CHD7: variants seen among roughly 807,000 people sequenced by gnomAD.
CHD7 encodes the protein ATP-dependent chromatin remodeler CHD7.
Under a neutral mutation model 307.3 loss-of-function variants are expected in CHD7, and 24 were observed. That is an observed-to-expected ratio of 0.08 (90% CI 0.06 to 0.11). CHD7 has a LOEUF of 0.11. Among genes scored for constraint, CHD7 ranks in the 10% least tolerant of loss-of-function variants. CHD7 has a pLI of 1.00. For missense variants in CHD7, 3,106 were observed against 3,727.1 expected (o/e 0.83, Z 4.34); for synonymous variants, 1,363 against 1,349.9 (o/e 1.01, Z -0.21).
Position 60,852,185 on chromosome 8 carries a change from T to G in CHD7, c.5832T>G (p.Pro1944=). The change falls in exon 29 of 38, where the codon CCT becomes CCG. Residue 1944 remains proline (P), a synonymous_variant. Coordinates refer to ENST00000423902, the MANE Select transcript of CHD7 (RefSeq NM_017780.4). ...LMKTDRRRRR[P]REEVRALEAE... ...AGACTGACCGGCGCAGACGGCGGCCTCGAGAGGAAGTGAGAGCTCTGGAAG... is the reference window on the plus strand; with the variant it reads ...AGACTGACCGGCGCAGACGGCGGCCGCGAGAGGAAGTGAGAGCTCTGGAAG... 2 of 1,613,920 alleles carry G rather than the reference T, an allele frequency of 1.2e-6. No individual in the cohort carries two copies. Among genetic ancestry groups the G allele is most frequent in the Non-Finnish European group, 1.7e-6 (2 of 1,179,878 alleles).
chr8:60,706,173 G>C (rs968131130), intron 1 of CHD7, among the ~76,000 whole-genome samples: 1 of 152,194 alleles, frequency 6.6e-6, no homozygotes, highest in East Asian at 1.9e-4. Context: ...ACATTCATTG[G>C]ATCTGATTGC....
At chr8:60,710,384 G>A (rs1232500540) in intron 1 of CHD7, among the ~76,000 whole-genome samples, 3 of 152,110 alleles carry the variant, frequency 2.0e-5, no homozygotes, top group Non-Finnish European at 4.4e-5. Flanking sequence ...GTACGGTGTC[G>A]ATTCACTCAA....
chr8:60,828,789 C>T lies in CHD7; in HGVS notation c.3505C>T (p.Leu1169=), dbSNP rs751392287. 5.6e-6 allele frequency: 9 copies of T among 1,613,450 alleles called. No individual in the cohort carries two copies. The highest frequency in any genetic ancestry group is 1.7e-5 in the Admixed American group (1 of 59,960). The change falls in exon 14 of 38, where the codon CTA becomes TTA. Residue 1169 remains leucine (L), a synonymous_variant. Transcript: ENST00000423902. ...CACATTTATGCAAGAATTTGGTGAT[C>T]TAAAAACAGAAGAGCAGGTATTTAT... The part of the protein sequence containing the change: ...ETTFMQEFGD[L]KTEEQVQKLQ...
At chr8:60,845,158 A>G (rs1192814302) in intron 22 of CHD7, 92 bp from the exon 23 acceptor site, 1 of 1,573,644 alleles carries the variant, frequency 6.4e-7, no homozygotes, top group Non-Finnish European at 8.7e-7. Flanking sequence ...CATAAACCCC[A>G]TATTTCCCTG....
intron 1 of CHD7, among the ~76,000 whole-genome samples, chr8:60,699,977 T>A (rs1356120597): frequency 6.6e-6 from 1 of 151,938 alleles, no homozygotes. Context: ...ATTACAGGCA[T>A]GCACCACCAT....
chr8:60,723,142 A>G (rs139647249), intron 1 of CHD7, among the ~76,000 whole-genome samples: 4 of 151,970 alleles, frequency 2.6e-5, no homozygotes, highest in Non-Finnish European at 4.4e-5. Context: ...ATTACCACCT[A>G]TCTAATCAGA....
intron 15 of CHD7, among the ~76,000 whole-genome samples, chr8:60,830,831 G>C (rs1213693916): frequency 5.3e-5 from 8 of 152,176 alleles, no homozygotes; most frequent in African/African-American, 1.9e-4. Context: ...CTTGAAAAGA[G>C]GCGTTAGTGT....
chr8:60,719,354 T>C (rs1245451324), intron 1 of CHD7, among the ~76,000 whole-genome samples: 3 of 152,248 alleles, frequency 2.0e-5, no homozygotes, highest in African/African-American at 7.2e-5. Flanking sequence ...CTTTTCATTT[T>C]GAAGTTCCAC....
intron 5 of CHD7, 139 bp from the exon 6 acceptor site, chr8:60,801,389 A>G (rs964227464): frequency 6.8e-5 from 42 of 621,328 alleles, no homozygotes; most frequent in Non-Finnish European, 1.0e-4. Flanking sequence ...GTTCCTTTCA[A>G]TCGTGTTTCT....
intron 1 of CHD7, among the ~76,000 whole-genome samples, chr8:60,721,527 G>A (rs1678399834): frequency 6.6e-6 from 1 of 152,242 alleles, no homozygotes; most frequent in Non-Finnish European, 1.5e-5. Flanking sequence ...GAGAACCACA[G>A]TCCTGGTGGT....
intron 1 of CHD7, among the ~76,000 whole-genome samples, chr8:60,686,862 G>T (rs530160792): frequency 6.6e-5 from 10 of 152,140 alleles, no homozygotes; most frequent in African/African-American, 2.4e-4. Context: ...CAAGTTTGGG[G>T]AACTACTTTA....
intron 1 of CHD7, among the ~76,000 whole-genome samples, chr8:60,710,013 C>G (rs1278960526): frequency 6.6e-6 from 1 of 151,084 alleles, no homozygotes; most frequent in Admixed American, 6.6e-5. Flanking sequence ...TTTTTATTCC[C>G]TTAGTATTGC....
At chr8:60,706,137 A>T (rs1193324907) in intron 1 of CHD7, among the ~76,000 whole-genome samples, 1 of 152,048 alleles carries the variant, frequency 6.6e-6, no homozygotes, top group Non-Finnish European at 1.5e-5. Context: ...ATGGAAACAC[A>T]CAGACCCTTT....
intron 37 of CHD7, chr8:60,863,346 C>T (rs1806093076): frequency 6.6e-6 from 1 of 152,208 alleles, no homozygotes; most frequent in Non-Finnish European, 1.5e-5. Context: ...AGTCTTGAAG[C>T]AGTTTCTTTC....
At chr8:60,775,425 T>C (rs950235913) in intron 2 of CHD7, among the ~76,000 whole-genome samples, 1 of 50,876 alleles carries the variant, frequency 2.0e-5, no homozygotes, top group Non-Finnish European at 8.6e-5. Flanking sequence ...GCTGTTTCAG[T>C]GCATTTTATA....
At chr8:60,739,830 T>C (rs1808902508) in intron 1 of CHD7, among the ~76,000 whole-genome samples, 1 of 152,228 alleles carries the variant, frequency 6.6e-6, no homozygotes, top group Non-Finnish European at 1.5e-5. Context: ...ATTCCCATGC[T>C]CTTATGGAAG....
At chr8:60,848,990 CA>C (rs1805330433) in intron 24 of CHD7, 60 bp from the exon 25 acceptor site, 2 of 1,289,066 alleles carry the variant, frequency 1.6e-6, no homozygotes, top group Non-Finnish European at 2.3e-6. Context: ...AGCTATGTAT[CA>C]CATTCATTAC....
At chr8:60,767,609 G>T (rs111351677) in intron 2 of CHD7, among the ~76,000 whole-genome samples, 1 of 152,296 alleles carries the variant, frequency 6.6e-6, no homozygotes, top group East Asian at 1.9e-4. Flanking sequence ...AGCTGTGCTG[G>T]GAAGAATTTG....
intron 8 of CHD7, 36 bp downstream of exon 8, chr8:60,816,537 C>A: frequency 8.3e-7 from 1 of 1,208,634 alleles, no homozygotes; most frequent in Non-Finnish European, 1.2e-6. Context: ...AAAGTATTTA[C>A]TTTGTTAAAA....
Sources: allele counts gnomAD v4.1 joint callset (sites outside exome capture counted in the v4.1 genomes callset), GRCh38; gene constraint gnomAD v4.1.1; transcripts MANE v1.5; gene names NCBI Gene and HGNC (gene_info 2026-07-23, HGNC 2026-07-21).